The following CPQ variants were observed in gnomAD, a reference collection of about 807,000 sequenced individuals.
CPQ encodes carboxypeptidase Q.
A neutral mutation model predicts 45.7 loss-of-function variants in CPQ; 37 were observed. The ratio of observed to expected loss-of-function variants is 0.81; its 90% CI spans 0.62 to 1.07. The LOEUF (loss-of-function observed/expected upper bound fraction) is 1.07, where lower values mean the gene tolerates loss of function less well. Among genes scored for constraint, CPQ ranks in the 50% least tolerant of loss-of-function variants. The pLI is 0.00. For missense variants in CPQ, 537 were observed against 572.9 expected, an observed-to-expected ratio of 0.94 and a Z score of 0.64; for synonymous variants, 186 against 205.8, an observed-to-expected ratio of 0.90 and a Z score of 0.82.
chr8:97,121,186 A>T (rs1811696351), intron 7 of CPQ, among the ~76,000 whole-genome samples: 1 of 152,234 alleles, frequency 6.6e-6, no homozygotes, highest in Admixed American at 6.5e-5. Flanking sequence ...GCAATACATA[A>T]CATGTGTTCT....
At chr8:96,741,116 C>G (rs1001217483) in intron 1 of CPQ, among the ~76,000 whole-genome samples, 3 of 152,206 alleles carry the variant, frequency 2.0e-5, no homozygotes, top group East Asian at 3.9e-4. Flanking sequence ...GACTCTTTTT[C>G]GTTGGTAAGC....
chr8:97,119,880 G>A (rs746817975), intron 7 of CPQ, among the ~76,000 whole-genome samples: 10 of 152,136 alleles, frequency 6.6e-5, no homozygotes, highest in Non-Finnish European at 1.3e-4. Context: ...GAGGTCACCT[G>A]GCAGCTAGCC....
At chr8:96,861,769 G>A (rs570938123) in intron 3 of CPQ, among the ~76,000 whole-genome samples, 1 of 152,238 alleles carries the variant, frequency 6.6e-6, no homozygotes, top group East Asian at 1.9e-4. Context: ...AGCACTCTGA[G>A]AATGAGAAGC....
chr8:96,719,142 A>G (rs1266630804), intron 1 of CPQ, among the ~76,000 whole-genome samples: 1 of 152,070 alleles, frequency 6.6e-6, no homozygotes, highest in East Asian at 1.9e-4. Context: ...AAGGGGTGGC[A>G]CTCATTGGGG....
Position 97,067,316 on chromosome 8 carries a change from G to A in CPQ, c.1255+1106G>A, listed in dbSNP as rs980037045. On this transcript the variant is annotated intron_variant, in intron 7 of 7. Transcript: ENST00000220763. ...GAAAAAGTTTACTGATATTGTTTGT[G>A]ACCCGAGGTTGCTTCCTCAACACCA... Among the ~76,000 whole-genome samples, 3 of 152,098 alleles carry A rather than the reference G, an allele frequency of 2.0e-5. No homozygotes were observed. In the East Asian group the frequency reaches 5.8e-4, roughly 29 times the overall value.
intron 7 of CPQ, 74 bp downstream of exon 7, chr8:97,066,284 G>A: frequency 7.3e-7 from 1 of 1,375,870 alleles, no homozygotes; most frequent in African/African-American, 1.5e-5. Context: ...TTTTAATAGA[G>A]CACAATGAAT....
intron 6 of CPQ, among the ~76,000 whole-genome samples, chr8:97,038,605 C>A (rs975274379): frequency 2.0e-5 from 3 of 152,042 alleles, no homozygotes; most frequent in African/African-American, 7.2e-5. Flanking sequence ...GTCAGCAAAC[C>A]ACTTTTCAAT....
At chr8:97,083,932 AT>A (rs1214154748) in intron 7 of CPQ, among the ~76,000 whole-genome samples, 5 of 152,008 alleles carry the variant, frequency 3.3e-5, no homozygotes, top group Middle Eastern at 3.4e-3. Flanking sequence ...CACTTATTTT[AT>A]TTTTTTTCAC....
At chr8:97,044,365 C>T (rs1041123373) in intron 6 of CPQ, among the ~76,000 whole-genome samples, 170 of 152,242 alleles carry the variant, frequency 1.1e-3, no homozygotes, top group Non-Finnish European at 7.2e-4. Context: ...CTGTATTGGT[C>T]ATTCTAGTTA....
chr8:96,942,301 A>T (rs1314702118), intron 4 of CPQ, among the ~76,000 whole-genome samples: 1 of 152,162 alleles, frequency 6.6e-6, no homozygotes, highest in Admixed American at 6.5e-5. Flanking sequence ...CTTACTCCTT[A>T]GCCTAAGCCC....
chr8:96,660,277 T>C (rs1156539759), intron 1 of CPQ, among the ~76,000 whole-genome samples: 1 of 151,980 alleles, frequency 6.6e-6, no homozygotes, highest in Non-Finnish European at 1.5e-5. Context: ...CATAGTCTTC[T>C]CTCTGTGCAT....
At chr8:96,801,725 A>G (rs1017536575) in intron 2 of CPQ, among the ~76,000 whole-genome samples, 7 of 152,168 alleles carry the variant, frequency 4.6e-5, no homozygotes, top group African/African-American at 1.7e-4. Flanking sequence ...ATGACTAAAT[A>G]ATGTAGGCTG....
intron 1 of CPQ, among the ~76,000 whole-genome samples, chr8:96,680,192 C>T (rs1468106931): frequency 1.3e-5 from 2 of 152,094 alleles, no homozygotes; most frequent in African/African-American, 4.8e-5. Context: ...CATTCAGGGG[C>T]ATGTGGTTTA....
At chr8:96,721,481 T>G (rs1010216812) in intron 1 of CPQ, among the ~76,000 whole-genome samples, 5 of 152,086 alleles carry the variant, frequency 3.3e-5, no homozygotes, top group African/African-American at 4.8e-5. Flanking sequence ...CTGACTTCTT[T>G]TGGAAGCAGA....
chr8:96,961,340 A>G (rs919036702), intron 4 of CPQ, among the ~76,000 whole-genome samples: 4 of 152,058 alleles, frequency 2.6e-5, no homozygotes, highest in Non-Finnish European at 5.9e-5. Context: ...GTCATTCATA[A>G]TTTCTTTTCT....
rs117528538 is a variant in CPQ, at chr8:96,661,054, A to G, written c.-35+15652A>G. Among the ~76,000 whole-genome samples, 1,294 of 152,320 alleles carry G rather than the reference A, an allele frequency of 8.5e-3. 11 individuals are homozygous for G. Among genetic ancestry groups the G allele is most frequent in the Non-Finnish European group, 0.014 (983 of 68,026 alleles). On this transcript the variant is annotated intron_variant, in intron 1 of 7. Coordinates refer to ENST00000220763, the MANE Select transcript of CPQ (RefSeq NM_016134.4). Reference sequence around the variant, plus strand: ...TGAAACAGTGGCAGTTGCTCTGAACATAGTAGATAATTAATCAATCTTTGC... The same window carrying G: ...TGAAACAGTGGCAGTTGCTCTGAACGTAGTAGATAATTAATCAATCTTTGC...
chr8:96,956,858 G>C (rs536606199), intron 4 of CPQ, among the ~76,000 whole-genome samples: 6 of 152,262 alleles, frequency 3.9e-5, no homozygotes, highest in Non-Finnish European at 5.9e-5. Flanking sequence ...TGCGATGACC[G>C]GGCTAATACT....
At chr8:97,023,878 G>A (rs1162466802) in intron 5 of CPQ, among the ~76,000 whole-genome samples, 1 of 152,186 alleles carries the variant, frequency 6.6e-6, no homozygotes, top group African/African-American at 2.4e-5. Flanking sequence ...GAAGCCCATA[G>A]CTGGATCTGT....
intron 1 of CPQ, among the ~76,000 whole-genome samples, chr8:96,692,540 G>T (rs1281014568): frequency 4.6e-5 from 7 of 152,112 alleles, no homozygotes; most frequent in Admixed American, 4.6e-4. Flanking sequence ...AGTCTTCCTG[G>T]TAATCCAGAG....
Sources: gnomAD v4.1 joint callset for allele counts (sites outside exome capture counted in the v4.1 genomes callset) on GRCh38, gnomAD v4.1.1 for gene constraint, MANE v1.5 for transcripts, NCBI Gene and HGNC (gene_info 2026-07-23, HGNC 2026-07-21) for gene names.